Variants in ADAMTS17 observed in about 807,000 individuals in gnomAD.
The protein encoded by ADAMTS17 is ADAM metallopeptidase with thrombospondin type 1 motif 17, also known as A disintegrin and metalloproteinase with thrombospondin motifs 17.
Under a neutral mutation model 141.5 loss-of-function variants are expected in ADAMTS17, and 113 were observed. That is an observed-to-expected ratio of 0.80 (90% CI 0.69 to 0.93). ADAMTS17 has a LOEUF of 0.93. Among genes scored for constraint, ADAMTS17 ranks in the 40% least tolerant of loss-of-function variants. ADAMTS17 has a pLI of 0.00. For synonymous variants in ADAMTS17, 768 were observed against 630.6 expected (o/e 1.22, Z -3.27); for missense variants, 1,659 against 1,517.9 (o/e 1.09, Z -1.54).
rs571211261 is a variant in ADAMTS17 at position 100,226,107 on chromosome 15, C to G, written c.1076-26684G>C. 3.1e-4 allele frequency among the ~76,000 whole-genome samples: 46 copies of G among 148,948 alleles called. 1 individual carries two copies. In the East Asian group the frequency reaches 3.9e-3, roughly 13 times the overall value. ...TCAGTCCTTACAGCAGTCACGGTCTCTGTGCCATTCAGTCCTTACAGCAGT... is the reference window on the plus strand; with the variant it reads ...TCAGTCCTTACAGCAGTCACGGTCTGTGTGCCATTCAGTCCTTACAGCAGT... On this transcript the variant is annotated intron_variant, in intron 7 of 21. Coordinates refer to ENST00000268070, the MANE Select transcript of ADAMTS17 (RefSeq NM_139057.4).
intron 17 of ADAMTS17, among the ~76,000 whole-genome samples, chr15:100,049,808 T>C (rs1045760940): frequency 6.6e-6 from 1 of 152,232 alleles, no homozygotes; most frequent in African/African-American, 2.4e-5. Context: ...ACCATACTTC[T>C]GTGTCTCAGT....
At chr15:100,151,620 G>A (rs137867247) in intron 10 of ADAMTS17, among the ~76,000 whole-genome samples, 20 of 152,282 alleles carry the variant, frequency 1.3e-4, no homozygotes, top group Non-Finnish European at 2.8e-4. Context: ...CCTGCTGCCT[G>A]GCTGCTGAGT....
rs568881105 is a variant in ADAMTS17, at chr15:100,043,999, T to C, written c.2591+4858A>G. 1.1e-4 allele frequency among the ~76,000 whole-genome samples: 17 copies of C among 152,372 alleles called. No individual in the cohort carries two copies. The South Asian group carries it at 3.5e-3, about 32-fold the overall frequency. The stretch of plus-strand genomic sequence containing the variant: ...TGTTTGTTTATGTCACTTTGTTTTG[T>C]AGGTGTTTTCCTACATGATCTTCTG... On this transcript the variant is annotated intron_variant, in intron 18 of 21. Coordinates refer to ENST00000268070, the MANE Select transcript of ADAMTS17 (RefSeq NM_139057.4).
At chr15:100,087,333 T>C (rs1023758637) in intron 15 of ADAMTS17, among the ~76,000 whole-genome samples, 2 of 152,126 alleles carry the variant, frequency 1.3e-5, no homozygotes, top group Admixed American at 6.6e-5. Context: ...CTCAAAAATT[T>C]AGGCAATAAT....
At chr15:100,108,636 G>A (rs529937931) in intron 14 of ADAMTS17, among the ~76,000 whole-genome samples, 6 of 152,292 alleles carry the variant, frequency 3.9e-5, no homozygotes, top group South Asian at 2.1e-4. Flanking sequence ...CAGTTCTGCC[G>A]TCTCTTCTGC....
intron 15 of ADAMTS17, among the ~76,000 whole-genome samples, chr15:100,079,982 C>T (rs1345158743): frequency 2.0e-5 from 3 of 152,174 alleles, no homozygotes; most frequent in African/African-American, 7.2e-5. Context: ...TAGGTGACAA[C>T]ACTTTGCAGG....
At chr15:100,308,739 C>T (rs983549087) in intron 3 of ADAMTS17, among the ~76,000 whole-genome samples, 17 of 152,150 alleles carry the variant, frequency 1.1e-4, no homozygotes, top group Admixed American at 3.3e-4. Context: ...ACTTTCTCCA[C>T]GAGACAACCC....
intron 18 of ADAMTS17, among the ~76,000 whole-genome samples, chr15:100,020,573 C>A (rs558125958): frequency 6.6e-6 from 1 of 152,324 alleles, no homozygotes; most frequent in South Asian, 2.1e-4. Flanking sequence ...AGGCCCCTGA[C>A]AACAAGCTGC....
intron 13 of ADAMTS17, among the ~76,000 whole-genome samples, 184 bp from the exon 14 acceptor site, chr15:100,109,300 G>A (rs546691085): frequency 1.7e-5 from 2 of 120,538 alleles, no homozygotes; most frequent in East Asian, 2.5e-4. Context: ...GGGGAAGACA[G>A]TGCAGGACTG....
chr15:99,978,273 T>C (rs541256594), intron 20 of ADAMTS17, among the ~76,000 whole-genome samples: 75 of 152,320 alleles, frequency 4.9e-4, no homozygotes, highest in African/African-American at 1.8e-3. Context: ...CTCAGCTTCC[T>C]TGCCTGACAA....
At chr15:100,117,618 G>C (rs1484070363) in intron 12 of ADAMTS17, among the ~76,000 whole-genome samples, 1 of 152,186 alleles carries the variant, frequency 6.6e-6, no homozygotes, top group East Asian at 1.9e-4. Flanking sequence ...GATGCTCTGT[G>C]CTGAGGCTGG....
chr15:100,141,876 G>A (rs2038672561), intron 10 of ADAMTS17, among the ~76,000 whole-genome samples: 1 of 152,250 alleles, frequency 6.6e-6, no homozygotes, highest in African/African-American at 2.4e-5. Flanking sequence ...GACTGAGACA[G>A]GCAGGACAGC....
chr15:100,093,715 C>T (rs984086791), intron 15 of ADAMTS17, among the ~76,000 whole-genome samples: 1 of 152,092 alleles, frequency 6.6e-6, no homozygotes, highest in African/African-American at 2.4e-5. Context: ...AACCTGGGGT[C>T]TCACAACACG....
rs960373432 is a variant in ADAMTS17, at chr15:100,193,529, G to A, written c.1181+5789C>T. 2.6e-5 allele frequency among the ~76,000 whole-genome samples: 4 copies of A among 152,158 alleles called. No homozygotes were observed. The South Asian group carries it at 6.2e-4, about 24-fold the overall frequency. Reference sequence around the variant, plus strand: ...GGGCAAGGCCAGAAAGAGCAACAACGAGACACCTCCAATGTTGCGTCTTCC... The same window carrying A: ...GGGCAAGGCCAGAAAGAGCAACAACAAGACACCTCCAATGTTGCGTCTTCC... On this transcript the variant is annotated intron_variant, in intron 8 of 21. Transcript: ENST00000268070.
chr15:100,209,169 A>G (rs566141563), intron 7 of ADAMTS17, among the ~76,000 whole-genome samples: 1 of 152,086 alleles, frequency 6.6e-6, no homozygotes, highest in East Asian at 1.9e-4. Context: ...AAAACAAGTA[A>G]CCGCATTTCT....
chr15:100,047,050 A>C (rs572055914), intron 18 of ADAMTS17, among the ~76,000 whole-genome samples: 57 of 152,114 alleles, frequency 3.7e-4, no homozygotes, highest in South Asian at 1.5e-3. Flanking sequence ...AAAGAGAATG[A>C]GCCCCTGAGG....
intron 18 of ADAMTS17, among the ~76,000 whole-genome samples, chr15:100,016,614 CTGAAG>C (rs2061294764): frequency 1.3e-5 from 2 of 152,208 alleles, no homozygotes; most frequent in Admixed American, 6.5e-5. Flanking sequence ...GTGAGCCGAA[CTGAAG>C]TGATTGCTGT....
At chr15:100,262,791 A>G (rs936207012) in intron 4 of ADAMTS17, among the ~76,000 whole-genome samples, 3 of 151,666 alleles carry the variant, frequency 2.0e-5, no homozygotes, top group African/African-American at 7.3e-5. Context: ...CTAAAAAAAA[A>G]AAAAAACAAA....
chr15:100,255,138 T>C (rs527542734), intron 6 of ADAMTS17, among the ~76,000 whole-genome samples: 1 of 152,124 alleles, frequency 6.6e-6, no homozygotes, highest in East Asian at 1.9e-4. Flanking sequence ...GTACAAGGGG[T>C]TCATCTGGCC....
Sources: allele counts gnomAD v4.1 joint callset (sites outside exome capture counted in the v4.1 genomes callset), GRCh38; gene constraint gnomAD v4.1.1; transcripts MANE v1.5; gene names NCBI Gene and HGNC (gene_info 2026-07-23, HGNC 2026-07-21).